The following KMT2C variants were observed in gnomAD, a reference collection of about 807,000 sequenced individuals.
KMT2C encodes the protein histone-lysine N-methyltransferase 2C.
KMT2C carries 88 observed loss-of-function variants against 507.9 expected under a neutral mutation model. That is an observed-to-expected ratio of 0.17 (90% CI 0.15 to 0.21). The LOEUF is 0.21. Ranked by LOEUF, KMT2C falls within the 10% of genes least tolerant of loss-of-function variation. The probability of loss-of-function intolerance (pLI) is 1.00; values close to 1 mark genes in which losing one functional copy is unlikely to be tolerated. For synonymous variants in KMT2C, 2,049 were observed against 2,080.8 expected (o/e 0.98, Z 0.42); for missense variants, 4,954 against 5,957.8 (o/e 0.83, Z 5.55).
chr7:152,335,331 A>G (rs2096923953), intron 2 of KMT2C, among the ~76,000 whole-genome samples: 1 of 152,242 alleles, frequency 6.6e-6, no homozygotes, highest in Non-Finnish European at 1.5e-5. Flanking sequence ...CCCAGAATAC[A>G]TTTTGGGATA....
At chr7:152,351,020 T>C (rs780203872) in intron 2 of KMT2C, among the ~76,000 whole-genome samples, 11 of 152,304 alleles carry the variant, frequency 7.2e-5, no homozygotes, top group South Asian at 2.1e-4. Context: ...ATCGTCACTA[T>C]CACTGTCTTT....
chr7:152,339,999 T>A (rs540242765), intron 2 of KMT2C, among the ~76,000 whole-genome samples: 1 of 152,046 alleles, frequency 6.6e-6, no homozygotes, highest in East Asian at 1.9e-4. Flanking sequence ...CTTTTTTTTT[T>A]AAGAGATGGG....
chr7:152,244,115 CT>C (rs1349324433), intron 14 of KMT2C, among the ~76,000 whole-genome samples: 3 of 152,188 alleles, frequency 2.0e-5, no homozygotes, highest in Non-Finnish European at 4.4e-5. Flanking sequence ...AAAATTTCCA[CT>C]TTATTTTCCA....
intron 49 of KMT2C, among the ~76,000 whole-genome samples, chr7:152,152,271 T>C (rs1340848956): frequency 6.6e-6 from 1 of 152,260 alleles, no homozygotes; most frequent in African/African-American, 2.4e-5. Flanking sequence ...AGAAGGGCCC[T>C]ATAGAGCTGG....
intron 27 of KMT2C, 24 bp downstream of exon 27, chr7:152,199,255 A>G: frequency 1.9e-6 from 3 of 1,545,320 alleles, no homozygotes; most frequent in East Asian, 2.3e-5. Context: ...TATAAAGAAA[A>G]TATCTGTGAA....
In KMT2C at chr7:152,177,390, T is replaced by G. The variant is rs1422333722; in HGVS notation, c.8063A>C (p.Lys2688Thr). 1 of 1,614,130 alleles carries G rather than the reference T, an allele frequency of 6.2e-7. No individual in the cohort carries two copies. Among genetic ancestry groups the G allele is most frequent in the African/African-American group, 1.3e-5 (1 of 74,944 alleles). ...CACAGAAGGGTCATCAGAATCAAGT[T>G]TTTCCTCTAGACCATCAGAAGGCTG... ...TTQPSDGLEE[K>T]LDSDDPSVKE... is the part of the protein sequence containing the mutation. The change falls in exon 38 of 59, where the codon AAA (lysine) becomes ACA (threonine). Residue 2688 changes from lysine (K) to threonine (T), a missense_variant. Coordinates refer to ENST00000262189, the MANE Select transcript of KMT2C (RefSeq NM_170606.3).
In KMT2C at chr7:152,198,435, A is replaced by G. The variant is rs2094029893; in HGVS notation, c.4273+844T>C. On this transcript the variant is annotated intron_variant, in intron 27 of 58. Transcript: ENST00000262189. ...TAAAATTGTTTTTCAAAATGAGTTTATAAAATTAACTGAGTAACAAATGCA... is the reference window on the plus strand; with the variant it reads ...TAAAATTGTTTTTCAAAATGAGTTTGTAAAATTAACTGAGTAACAAATGCA... 2.0e-5 allele frequency among the ~76,000 whole-genome samples: 3 copies of G among 152,234 alleles called. 1 individual carries two copies. The highest frequency in any genetic ancestry group is 2.0e-4 in the Admixed American group (3 of 15,282).
At position 152,154,423 on chromosome 7, in the gene KMT2C, G is replaced by A. The variant is rs1005725533; in HGVS notation, c.11983C>T (p.Arg3995Ter). ...GGAACAAAACTGTCAGGAGTATCTC[G>A]ATCACCACAGTGATCCTGTATCCTG... The part of the protein sequence containing the change: ...ELRIQDHCGD[R>*]DTPDSFVPSS... The change falls in exon 47 of 59, where the codon CGA (arginine) becomes TGA (stop). Residue 3995 changes from arginine (R) to a stop codon, truncating the protein, a stop_gained. Transcript: ENST00000262189. LOFTEE classifies it high-confidence loss of function. 1 of 1,613,504 alleles carries A rather than the reference G, an allele frequency of 6.2e-7. No homozygotes were observed. Among genetic ancestry groups the A allele is most frequent in the Non-Finnish European group, 8.5e-7 (1 of 1,179,970 alleles).
chr7:152,265,664 T>A (rs995185889), intron 7 of KMT2C, among the ~76,000 whole-genome samples: 7 of 152,120 alleles, frequency 4.6e-5, no homozygotes, highest in Non-Finnish European at 1.0e-4. Context: ...TTAAGAAACA[T>A]TAATATCAAT....
At chr7:152,264,758 G>A (rs1052447454) in intron 8 of KMT2C, among the ~76,000 whole-genome samples, 37 of 151,656 alleles carry the variant, frequency 2.4e-4, no homozygotes, top group Admixed American at 2.0e-4. Flanking sequence ...TAGCTCTTTA[G>A]ACGACCAGAG....
chr7:152,332,843 C>T (rs1044795635), intron 2 of KMT2C, among the ~76,000 whole-genome samples: 24 of 127,750 alleles, frequency 1.9e-4, no homozygotes, highest in African/African-American at 6.9e-4. Flanking sequence ...AATGAAACTG[C>T]GTCTCAAAAC....
intron 6 of KMT2C, among the ~76,000 whole-genome samples, chr7:152,305,928 C>A (rs2096612284): frequency 6.6e-6 from 1 of 152,166 alleles, no homozygotes; most frequent in Non-Finnish European, 1.5e-5. Context: ...ACTAGGTATT[C>A]TCAATGCTAC....
chr7:152,261,318 C>G (rs1169334014), intron 9 of KMT2C, among the ~76,000 whole-genome samples: 2 of 152,052 alleles, frequency 1.3e-5, no homozygotes, highest in African/African-American at 4.8e-5. Context: ...GACCTACTTG[C>G]TAAATAACAG....
At chr7:152,290,278 ATATATATATATATATATTTTTTTTTTTT>A (rs2096397327) in intron 6 of KMT2C, among the ~76,000 whole-genome samples, 7 of 29,368 alleles carry the variant, frequency 2.4e-4, no homozygotes, top group African/African-American at 9.6e-4. Context: ...ATATATATAT[ATATATATATATATATATTTTTTTTTTTT>A]TTTTTTTTTT....
intron 23 of KMT2C, among the ~76,000 whole-genome samples, chr7:152,214,841 G>A (rs1003505830): frequency 6.6e-6 from 1 of 152,018 alleles, no homozygotes; most frequent in Non-Finnish European, 1.5e-5. Flanking sequence ...AGGTCGGAGG[G>A]TACAAATCTG....
chr7:152,378,643 G>A (rs2097347314), intron 1 of KMT2C, among the ~76,000 whole-genome samples: 1 of 152,120 alleles, frequency 6.6e-6, no homozygotes, highest in Non-Finnish European at 1.5e-5. Context: ...TCCAAGGTAT[G>A]CCTGTATTTA....
At chr7:152,168,021 C>G (rs1207343142) in intron 41 of KMT2C, among the ~76,000 whole-genome samples, 2 of 152,072 alleles carry the variant, frequency 1.3e-5, no homozygotes, top group Non-Finnish European at 2.9e-5. Flanking sequence ...GTTAACCAAG[C>G]AAAACATTTT....
rs1267992493 is a variant in KMT2C at position 152,163,755 on chromosome 7, T to C, written c.9822A>G (p.Ala3274=). Residue 3274 remains alanine, a synonymous_variant, in exon 43 of 59, where the codon GCA becomes GCG. Coordinates refer to ENST00000262189, the MANE Select transcript of KMT2C (RefSeq NM_170606.3). ...DYRIKQQQQC[A]MAPPTMMPSV... is the part of the protein sequence containing the mutation. ...TGGGCATCATGGTAGGTGGGGCCAT[T>C]GCACATTGCTGCTGCTGTTTGATCC... The C allele has an allele frequency of 6.2e-7, 1 of 1,614,212 alleles. No homozygotes were observed.
At chr7:152,343,466 AAG>A (rs1336154136) in intron 2 of KMT2C, among the ~76,000 whole-genome samples, 1 of 151,638 alleles carries the variant, frequency 6.6e-6, no homozygotes, top group Non-Finnish European at 1.5e-5. Flanking sequence ...AAAAAAAAAA[AAG>A]AACAGAATGT....
Sources: allele counts gnomAD v4.1 joint callset (sites outside exome capture counted in the v4.1 genomes callset), GRCh38; gene constraint gnomAD v4.1.1; transcripts MANE v1.5; gene names NCBI Gene and HGNC (gene_info 2026-07-23, HGNC 2026-07-21).